The following ZAN variants were observed in gnomAD, a reference collection of about 807,000 sequenced individuals.
The protein encoded by ZAN is zonadhesin, also known as zonadhesin (gene/pseudogene).
Under a neutral mutation model 286.2 loss-of-function variants are expected in ZAN, and 260 were observed. That is an observed-to-expected ratio of 0.91 (90% confidence interval 0.82 to 1.01). ZAN has a LOEUF of 1.01. Ranked by LOEUF, ZAN falls within the 50% of genes least tolerant of loss-of-function variation. The pLI, the probability that ZAN is intolerant of heterozygous loss-of-function variation, is 0.00. For missense variants in ZAN, 3,410 were observed against 3,639.2 expected, an observed-to-expected ratio of 0.94 and a Z score of 1.62; for synonymous variants, 1,368 against 1,417.5, an observed-to-expected ratio of 0.97 and a Z score of 0.79.
At chr7:100,787,757 T>A in intron 37 of ZAN, 132 bp from the exon 38 acceptor site, 2 of 998,658 alleles carry the variant, frequency 2.0e-6, no homozygotes, top group South Asian at 5.0e-5. Context: ...AGACAGGGTT[T>A]CACCATGTTG....
chr7:100,776,599 C>T, intron 34 of ZAN, 35 bp downstream of exon 34: 1 of 1,445,132 alleles, frequency 6.9e-7, no homozygotes. Context: ...GGTTTTCTTT[C>T]TTTTTCTTTC....
intron 6 of ZAN, 76 bp downstream of exon 6, chr7:100,737,425 G>A: frequency 9.1e-7 from 1 of 1,101,910 alleles, no homozygotes; most frequent in East Asian, 2.7e-5. Context: ...AGAGGATCCA[G>A]GGCGGGCGCG....
intron 17 of ZAN, 95 bp downstream of exon 17, chr7:100,758,745 A>T: frequency 6.6e-7 from 1 of 1,506,224 alleles, no homozygotes. Flanking sequence ...GGGGCAGGGC[A>T]CAGATGGGGG....
At position 100,775,853 on chromosome 7, in the gene ZAN, C is replaced by G; in HGVS notation, c.6192+20C>G. 1 of 1,611,656 alleles carries G rather than the reference C, an allele frequency of 6.2e-7. No individual in the cohort carries two copies. Among genetic ancestry groups the G allele is most frequent in the South Asian group, 1.1e-5 (1 of 90,732 alleles). ...GGAAAGGTGAGGAAAACATCTGGCT[C>G]TTCTCGCTGGGGAGGCAGCCCCAGG... On this transcript the variant is annotated intron_variant, in intron 33 of 47. Transcript: ENST00000613979.
At chr7:100,748,985 T>C (rs1239654919) in intron 11 of ZAN, among the ~76,000 whole-genome samples, 1 of 151,998 alleles carries the variant, frequency 6.6e-6, no homozygotes, top group Non-Finnish European at 1.5e-5. Context: ...CAGTGAGCTA[T>C]GATTGAACCA....
At chr7:100,745,127 G>T (rs1293402823) in intron 7 of ZAN, among the ~76,000 whole-genome samples, 4 of 151,642 alleles carry the variant, frequency 2.6e-5, no homozygotes, top group Admixed American at 2.6e-4. Context: ...CAGGTGATCC[G>T]CCCGCCTCGG....
intron 29 of ZAN, among the ~76,000 whole-genome samples, chr7:100,772,474 G>C (rs1810438958): frequency 6.6e-6 from 1 of 151,694 alleles, no homozygotes; most frequent in Non-Finnish European, 1.5e-5. Context: ...GCAGTAGATG[G>C]TGGTAATGGC....
intron 7 of ZAN, among the ~76,000 whole-genome samples, chr7:100,744,336 T>C (rs887303364): frequency 1.3e-5 from 2 of 150,792 alleles, no homozygotes; most frequent in East Asian, 2.0e-4. Context: ...TGGTGGCTCA[T>C]GCCTGTAATC....
At chr7:100,744,391 G>C (rs1289125395) in intron 7 of ZAN, among the ~76,000 whole-genome samples, 1 of 148,838 alleles carries the variant, frequency 6.7e-6, no homozygotes, top group Admixed American at 6.8e-5. Context: ...CAGAGGTCAG[G>C]AGTCCGAGAC....
chr7:100,783,748 AAAAAAAAAAAAAAAAATAT>A (rs1434069233), intron 35 of ZAN, among the ~76,000 whole-genome samples: 2 of 29,992 alleles, frequency 6.7e-5, no homozygotes, highest in Non-Finnish European at 1.3e-4. Flanking sequence ...AAAAAAAAAA[AAAAAAAAAAAAAAAAATAT>A]ATATATATAT....
Position 100,765,496 on chromosome 7 carries a change from T to C in ZAN, c.4412T>C (p.Leu1471Pro), listed in dbSNP as rs776299182. 3.1e-6 allele frequency: 5 copies of C among 1,612,680 alleles called. No individual in the cohort carries two copies. Among genetic ancestry groups the C allele is most frequent in the Non-Finnish European group, 4.2e-6 (5 of 1,179,414 alleles). The part of the protein sequence containing the change: ...ECNPGFVLSG[L>P]ECIPRSQCGC... ...AATCCGGGCTTCGTCCTCAGTGGCC[T>C]CGAGTGCATACCTCGCTCCCAGTGT... Residue 1471 changes from leucine (L) to proline (P), a missense_variant, in exon 23 of 48, where the codon CTC (leucine) becomes CCC (proline). This residue lies in a region of ZAN where 1,042 missense variants were observed against 1,058.0 expected (regional missense o/e 0.98). Transcript: ENST00000613979.
intron 37 of ZAN, 33 bp from the exon 38 acceptor site, chr7:100,787,856 C>A: frequency 6.7e-7 from 1 of 1,486,832 alleles, no homozygotes; most frequent in South Asian, 1.4e-5. Flanking sequence ...GCCACTGCGC[C>A]CGGCCCCTTC....
chr7:100,773,373 C>T lies in ZAN; in HGVS notation c.5514C>T (p.Cys1838=). ...GCAGCATAAACAACCCGAGGGACTG[C>T]CCCAAAGCACTGCCCTGTGCTGAGA... is the stretch of plus-strand genomic sequence containing the variant. ...TCSSINNPRD[C]PKALPCAESC... Residue 1838 remains cysteine (C), a synonymous_variant, in exon 30 of 48, where the codon TGC becomes TGT. Transcript: ENST00000613979. 6.2e-7 allele frequency: 1 copy of T among 1,614,002 alleles called. No homozygotes were observed. Among genetic ancestry groups the T allele is most frequent in the Non-Finnish European group, 8.5e-7 (1 of 1,179,890 alleles).
At position 100,747,474 on chromosome 7, in the gene ZAN, A is replaced by T; in HGVS notation, c.932-76A>T. On this transcript the variant is annotated intron_variant, in intron 8 of 47. Transcript: ENST00000613979. ...TCCCCAGCTATGCCCTCTGCTCCTC[A>T]TCCTCCTAGGTATAGTTCAAAGTCG... The T allele has an allele frequency of 1.6e-6, 2 of 1,239,940 alleles. 1 individual carries two copies. Among genetic ancestry groups the T allele is most frequent in the South Asian group, 2.4e-5 (2 of 83,286 alleles). 76.8% of individuals were successfully genotyped at this position (1,239,940 alleles called of 1,614,324 possible).
chr7:100,779,697 C>T lies in ZAN; in HGVS notation c.6569C>T (p.Thr2190Ile). 6.4e-7 allele frequency: 1 copy of T among 1,559,624 alleles called. No individual in the cohort carries two copies. The highest frequency in any genetic ancestry group is 8.7e-7 in the Non-Finnish European group (1 of 1,152,000). Residue 2190 changes from threonine to isoleucine, a missense_variant, in exon 35 of 48, where the codon ACC becomes ATC. Transcript: ENST00000613979. ...LCQALQAFGA[T>I]CQSQGLKPPL... ...CAGGCTCTGCAAGCCTTCGGGGCCACCTGCCAGAGCCAGGGGCTCAAGCCC... is the reference window on the plus strand; with the variant it reads ...CAGGCTCTGCAAGCCTTCGGGGCCATCTGCCAGAGCCAGGGGCTCAAGCCC...
In ZAN at chr7:100,757,136, G is replaced by GT. The variant is rs565625220; in HGVS notation, c.3310-1059dup. Among the ~76,000 whole-genome samples, 414 of 151,582 alleles carry GT rather than the reference G, an allele frequency of 2.7e-3. 1 individual carries two copies. The highest frequency in any genetic ancestry group is 9.5e-3 in the African/African-American group (395 of 41,404). On this transcript the variant is annotated intron_variant, in intron 15 of 47. Coordinates refer to ENST00000613979, the MANE Select transcript of ZAN (RefSeq NM_003386.3). The stretch of plus-strand genomic sequence containing the variant: ...TATTTAGTACTTTCTTCAAAGGTGT[G>GT]TTTTTTTGGTTTGTTTTTTGGGGTT...
Position 100,768,641 on chromosome 7 carries a change from C to A in ZAN, c.5073C>A (p.Asn1691Lys), listed in dbSNP as rs200886020. ...GNYNNNSLDD[N>K]LRPDRKLAGD... ...ACAACAACAACAGCTTGGATGACAA[C>A]CTGCGCCCCGACAGAAAGCTTGCAG... The change falls in exon 27 of 48, where the codon AAC (asparagine) becomes AAA (lysine). Residue 1691 changes from asparagine (N) to lysine (K), a missense_variant. This residue lies in a region of ZAN where 1,042 missense variants were observed against 1,058.0 expected (regional missense o/e 0.98). Coordinates refer to ENST00000613979, the MANE Select transcript of ZAN (RefSeq NM_003386.3). 6.8e-4 allele frequency: 1,093 copies of A among 1,610,776 alleles called. 4 individuals carry two copies. The South Asian group carries it at 7.3e-3, about 11-fold the overall frequency.
At chr7:100,761,861 C>T (rs996437494) in intron 19 of ZAN, among the ~76,000 whole-genome samples, 1 of 151,694 alleles carries the variant, frequency 6.6e-6, no homozygotes, top group Non-Finnish European at 1.5e-5. Flanking sequence ...ATCACTAGAA[C>T]CCGGGAGGTG....
intron 15 of ZAN, among the ~76,000 whole-genome samples, chr7:100,757,553 G>A (rs1809230542): frequency 6.7e-6 from 1 of 148,672 alleles, no homozygotes; most frequent in Admixed American, 6.7e-5. Context: ...TCAGGAGTTC[G>A]AGACCAGCCT....
Sources: gnomAD v4.1 joint callset for allele counts (sites outside exome capture counted in the v4.1 genomes callset) on GRCh38, gnomAD v4.1.1 for gene constraint, gnomAD v4.1.1 regional missense constraint, MANE v1.5 for transcripts, NCBI Gene and HGNC (gene_info 2026-07-23, HGNC 2026-07-21) for gene names.